DHRSX: variants seen among roughly 807,000 people sequenced by gnomAD.
DHRSX encodes the protein dehydrogenase/reductase X-linked, also known as polyprenol dehydrogenase.
DHRSX carries 31 observed loss-of-function variants against 34.0 expected under a neutral mutation model. The observed-to-expected ratio is 0.91, with a 90% confidence interval of 0.69 to 1.23. DHRSX has a LOEUF of 1.23. Among genes scored for constraint, DHRSX ranks in the 50% most tolerant of loss-of-function variants. The probability of loss-of-function intolerance (pLI) is 0.00; values close to 1 mark genes in which losing one functional copy is unlikely to be tolerated. For missense variants in DHRSX, 414 were observed against 428.1 expected, an observed-to-expected ratio of 0.97 and a Z score of 0.29; for synonymous variants, 201 against 183.8, an observed-to-expected ratio of 1.09 and a Z score of -0.76.
intron 3 of DHRSX, among the ~76,000 whole-genome samples, chrX:2,362,178 A>G (rs1339434470): frequency 6.6e-5 from 10 of 152,148 alleles, no homozygotes; most frequent in Admixed American, 6.6e-4. Context: ...TTCCTTGTCC[A>G]CAGCCATTTT....
At chrX:2,245,768 C>T (rs1291287796) in intron 5 of DHRSX, among the ~76,000 whole-genome samples, 3 of 132,312 alleles carry the variant, frequency 2.3e-5, no homozygotes, top group Non-Finnish European at 4.8e-5. Context: ...CCAGGCTGGC[C>T]AACATGGTGA....
At chrX:2,473,040 T>C in intron 1 of DHRSX, among the ~76,000 whole-genome samples, 1 of 152,166 alleles carries the variant, frequency 6.6e-6, no homozygotes, top group Non-Finnish European at 1.5e-5. Flanking sequence ...TACTGTCCAC[T>C]GCAAAGCTCC....
chrX:2,397,074 C>T (rs1203790914), intron 3 of DHRSX, among the ~76,000 whole-genome samples: 4 of 152,164 alleles, frequency 2.6e-5, no homozygotes, highest in East Asian at 3.9e-4. Flanking sequence ...GATCATGGCT[C>T]ACCACAGCCT....
At chrX:2,224,709 G>A (rs1463151873) in intron 6 of DHRSX, among the ~76,000 whole-genome samples, 1 of 151,680 alleles carries the variant, frequency 6.6e-6, no homozygotes, top group Non-Finnish European at 1.5e-5. Context: ...TACACATATG[G>A]ACACACACAT....
intron 3 of DHRSX, among the ~76,000 whole-genome samples, chrX:2,312,150 C>T (rs964971829): frequency 6.6e-6 from 1 of 152,050 alleles, no homozygotes; most frequent in African/African-American, 2.4e-5. Flanking sequence ...CTCTTAGGGG[C>T]AAACCAGGAA....
intron 5 of DHRSX, among the ~76,000 whole-genome samples, chrX:2,255,910 G>A (rs756681048): frequency 4.0e-5 from 6 of 151,894 alleles, no homozygotes; most frequent in African/African-American, 4.8e-5. Context: ...TGACAAAAGC[G>A]AAACTCTGTC....
chrX:2,291,042 C>T (rs1602880618), intron 4 of DHRSX, among the ~76,000 whole-genome samples: 2 of 152,154 alleles, frequency 1.3e-5, no homozygotes, highest in Middle Eastern at 6.8e-3. Context: ...TGAAGATTGG[C>T]AGATGGGCAG....
At chrX:2,359,379 A>G (rs1298405551) in intron 3 of DHRSX, among the ~76,000 whole-genome samples, 1 of 152,226 alleles carries the variant, frequency 6.6e-6, no homozygotes, top group Non-Finnish European at 1.5e-5. Flanking sequence ...GACAGAATAA[A>G]GAAAATATGG....
At chrX:2,385,429 C>G (rs771952207) in intron 3 of DHRSX, among the ~76,000 whole-genome samples, 1 of 150,626 alleles carries the variant, frequency 6.6e-6, no homozygotes, top group African/African-American at 2.4e-5. Flanking sequence ...ATTCCATAGC[C>G]ACAGCAGGCA....
chrX:2,445,152 C>T (rs145551821), intron 1 of DHRSX, among the ~76,000 whole-genome samples: 2,222 of 152,130 alleles, frequency 0.015, 37 homozygotes, highest in Middle Eastern at 0.037. Flanking sequence ...AGTGGAATTC[C>T]GTCTCAAAAA....
chrX:2,456,814 G>A lies in DHRSX; in HGVS notation c.110-31510C>T, dbSNP rs759070651. Among the ~76,000 whole-genome samples, 103 of 152,140 alleles carry A rather than the reference G, an allele frequency of 6.8e-4. 1 individual carries two copies. Among genetic ancestry groups the A allele is most frequent in the African/African-American group, 2.3e-3 (96 of 41,526 alleles). ...GGGATGGGGGCATCTCCAGAAATCC[G>A]AAGATTCAGGTTCTGAATCTCTGAT... On this transcript the variant is annotated intron_variant, in intron 1 of 6. Transcript: ENST00000334651.
chrX:2,372,943 G>A (rs1325671321), intron 3 of DHRSX, among the ~76,000 whole-genome samples: 1 of 152,028 alleles, frequency 6.6e-6, no homozygotes, highest in Non-Finnish European at 1.5e-5. Context: ...CTCATAAACC[G>A]CGGCTCTACT....
intron 2 of DHRSX, among the ~76,000 whole-genome samples, chrX:2,412,152 G>A (rs1159472448): frequency 3.3e-5 from 5 of 152,278 alleles, no homozygotes; most frequent in Middle Eastern, 3.4e-3. Context: ...CACCGCACAC[G>A]TCCCAAACAC....
intron 1 of DHRSX, among the ~76,000 whole-genome samples, chrX:2,451,950 G>A (rs1178237690): frequency 1.3e-5 from 2 of 151,220 alleles, no homozygotes; most frequent in Non-Finnish European, 2.9e-5. Flanking sequence ...TGTACACATT[G>A]AAGACATTCC....
rs747188004 is a variant in DHRSX at position 2,330,614 on chromosome X, A to G, written c.287-39011T>C. Among the ~76,000 whole-genome samples the G allele has an allele frequency of 1.0e-3, 153 of 146,912 alleles. No individual in the cohort carries two copies. In the Middle Eastern group the frequency reaches 0.011, roughly 10 times the overall value. On this transcript the variant is annotated intron_variant, in intron 3 of 6. Transcript: ENST00000334651. Reference sequence around the variant, plus strand: ...GGAAGGGAAGGAAAGGGAGAAGGAGAAGGAGGAGGAGAGAAAGGGAAGGAG... The same window carrying G: ...GGAAGGGAAGGAAAGGGAGAAGGAGGAGGAGGAGGAGAGAAAGGGAAGGAG...
In DHRSX at chrX:2,471,974, C is replaced by T. The variant is rs186802912; in HGVS notation, c.109+28843G>A. Among the ~76,000 whole-genome samples, 465 of 151,666 alleles carry T rather than the reference C, an allele frequency of 3.1e-3. 9 individuals are homozygous for T. The highest frequency in any genetic ancestry group is 9.7e-3 in the African/African-American group (403 of 41,368). ...CAGCCTGGGCAACATGGAGAAACCCCGTCTCTACTAAAAATACAAAATTAG... is the reference window on the plus strand; with the variant it reads ...CAGCCTGGGCAACATGGAGAAACCCTGTCTCTACTAAAAATACAAAATTAG... On this transcript the variant is annotated intron_variant, in intron 1 of 6. Coordinates refer to ENST00000334651, the MANE Select transcript of DHRSX (RefSeq NM_145177.3).
intron 3 of DHRSX, among the ~76,000 whole-genome samples, chrX:2,317,556 G>T (rs1024203940): frequency 1.3e-5 from 2 of 151,878 alleles, no homozygotes; most frequent in Non-Finnish European, 2.9e-5. Flanking sequence ...GCGGCCCTGT[G>T]CTTTTTCCAA....
chrX:2,264,067 T>C (rs62595517), intron 5 of DHRSX, among the ~76,000 whole-genome samples: 106,467 of 152,050 alleles, frequency 0.7, 38,638 homozygotes, highest in African/African-American at 0.8. Context: ...TGTTTCTTGT[T>C]CCTTCTAAAA....
intron 3 of DHRSX, among the ~76,000 whole-genome samples, chrX:2,304,996 C>T (rs1373767404): frequency 2.0e-5 from 3 of 152,016 alleles, no homozygotes; most frequent in Non-Finnish European, 4.4e-5. Flanking sequence ...AAAAATGGTA[C>T]ATATACACCG....
Sources: gnomAD v4.1 joint callset for allele counts (sites outside exome capture counted in the v4.1 genomes callset) on GRCh38, gnomAD v4.1.1 for gene constraint, MANE v1.5 for transcripts, NCBI Gene and HGNC (gene_info 2026-07-23, HGNC 2026-07-21) for gene names.